SSBP2: variants seen among roughly 807,000 people sequenced by gnomAD.
The protein encoded by SSBP2 is single-stranded DNA-binding protein 2.
In SSBP2, 17 loss-of-function variants were observed where a neutral mutation model predicts 61.8. The ratio of observed to expected loss-of-function variants is 0.28; its 90% CI spans 0.19 to 0.41. The LOEUF (loss-of-function observed/expected upper bound fraction) is 0.41. Among genes scored for constraint, SSBP2 ranks in the 10% least tolerant of loss-of-function variants. The pLI is 1.00. For missense variants in SSBP2, 310 were observed against 458.7 expected (o/e 0.68, Z 2.96); for synonymous variants, 139 against 141.3 (o/e 0.98, Z 0.12).
chr5:81,463,180 T>C (rs898693412), intron 9 of SSBP2, among the ~76,000 whole-genome samples: 4 of 152,050 alleles, frequency 2.6e-5, no homozygotes, highest in African/African-American at 4.8e-5. Flanking sequence ...AACATTACCA[T>C]TGTGTTTGAA....
rs1764492436 is a variant in SSBP2, at chr5:81,460,919, T to G, written c.687+136A>C. 6.9e-6 allele frequency: 3 copies of G among 435,028 alleles called. No homozygotes were observed. The Admixed American group carries it at 1.3e-4, about 19-fold the overall frequency. The allele number at this position is 435,028 out of a possible 1,614,324, so 26.9% of individuals were successfully genotyped here. A position where few individuals can be genotyped will look rare whatever the true frequency, so the allele number is the denominator to read the frequency against. ...TATGCATCTTTTTCTAAAATTTATA[T>G]TAAACTTTTTGAATGATTACTTAAA... is the stretch of plus-strand genomic sequence containing the variant. On this transcript the variant is annotated intron_variant, in intron 10 of 16. Transcript: ENST00000320672.
intron 6 of SSBP2, among the ~76,000 whole-genome samples, chr5:81,479,084 T>C (rs766794195): frequency 6.6e-6 from 1 of 152,202 alleles, no homozygotes; most frequent in Non-Finnish European, 1.5e-5. Flanking sequence ...ATAAGTCAAG[T>C]CTCTAACTTT....
chr5:81,665,427 C>G (rs1394650116), intron 1 of SSBP2, among the ~76,000 whole-genome samples: 1 of 152,182 alleles, frequency 6.6e-6, no homozygotes, highest in Non-Finnish European at 1.5e-5. Context: ...ATCCCGGTAT[C>G]AGTCACTAGA....
At position 81,473,672 on chromosome 5, in the gene SSBP2, C is replaced by T; in HGVS notation, c.570+28G>A. The T allele has an allele frequency of 2.5e-6, 4 of 1,608,714 alleles. No individual in the cohort carries two copies. In the South Asian group the frequency reaches 3.3e-5, roughly 13 times the overall value. Reference sequence around the variant, plus strand: ...CATTTGGGTTGGTTCCATATCTTTGCTATTGTAAATATGCACTGATTATTT... The same window carrying T: ...CATTTGGGTTGGTTCCATATCTTTGTTATTGTAAATATGCACTGATTATTT... On this transcript the variant is annotated intron_variant, in intron 8 of 16. Coordinates refer to ENST00000320672, the MANE Select transcript of SSBP2 (RefSeq NM_012446.5).
intron 13 of SSBP2, 55 bp downstream of exon 13, chr5:81,442,598 T>C: frequency 1.0e-6 from 1 of 954,464 alleles, no homozygotes; most frequent in Non-Finnish European, 1.6e-6. Flanking sequence ...TGGAATGCAC[T>C]CAGAGTTTGA....
At chr5:81,660,304 T>TA (rs371116431) in intron 1 of SSBP2, among the ~76,000 whole-genome samples, 166 of 151,798 alleles carry the variant, frequency 1.1e-3, no homozygotes, top group African/African-American at 3.6e-3. Context: ...ACAAGAAACT[T>TA]AAAAAAATGC....
chr5:81,437,525 T>A, intron 14 of SSBP2, 67 bp from the exon 15 acceptor site: 1 of 1,363,762 alleles, frequency 7.3e-7, no homozygotes, highest in African/African-American at 1.5e-5. Flanking sequence ...AACACTCCTT[T>A]AATTTAAATA....
At position 81,428,556 on chromosome 5, in the gene SSBP2, GAGTATAATAT is replaced by G. The variant is rs1762093793; in HGVS notation, c.1056+19_1056+28del. On this transcript the variant is annotated intron_variant, in intron 16 of 16. Coordinates refer to ENST00000320672, the MANE Select transcript of SSBP2 (RefSeq NM_012446.5). Reference sequence around the variant, plus strand: ...CAGAAGAGCTTCAGAAATAAAATTTGAGTATAATATAGTCAAGGGAATACTTACACTCTCA... The same window carrying G: ...CAGAAGAGCTTCAGAAATAAAATTTGAGTCAAGGGAATACTTACACTCTCA... 1 of 1,542,704 alleles carries G rather than the reference GAGTATAATAT, an allele frequency of 6.5e-7. No individual in the cohort carries two copies. Among genetic ancestry groups the G allele is most frequent in the African/African-American group, 1.4e-5 (1 of 73,384 alleles).
intron 4 of SSBP2, among the ~76,000 whole-genome samples, chr5:81,581,432 C>T (rs930827062): frequency 1.3e-5 from 2 of 152,134 alleles, no homozygotes; most frequent in African/African-American, 4.8e-5. Context: ...AAGGCTGTAT[C>T]ATGTTAACAG....
At chr5:81,448,229 T>C (rs896930065) in intron 11 of SSBP2, among the ~76,000 whole-genome samples, 1 of 152,200 alleles carries the variant, frequency 6.6e-6, no homozygotes, top group African/African-American at 2.4e-5. Context: ...GGAGGTCATA[T>C]AAAACTTATT....
At chr5:81,457,029 T>C (rs1764211988) in intron 10 of SSBP2, among the ~76,000 whole-genome samples, 1 of 152,198 alleles carries the variant, frequency 6.6e-6, no homozygotes, top group African/African-American at 2.4e-5. Flanking sequence ...TACACATACA[T>C]ATATTTCCTA....
At chr5:81,573,750 A>G (rs1184212414) in intron 4 of SSBP2, among the ~76,000 whole-genome samples, 1 of 152,208 alleles carries the variant, frequency 6.6e-6, no homozygotes, top group Admixed American at 6.5e-5. Context: ...TAAGAAAATA[A>G]TAATACTATA....
chr5:81,739,022 G>A (rs1468736299), intron 1 of SSBP2, among the ~76,000 whole-genome samples: 2 of 151,424 alleles, frequency 1.3e-5, no homozygotes, highest in Admixed American at 6.6e-5. Context: ...AAAATTAGCC[G>A]GGCATGGTGG....
intron 1 of SSBP2, among the ~76,000 whole-genome samples, chr5:81,728,556 C>T (rs569437115): frequency 6.6e-6 from 1 of 152,332 alleles, no homozygotes; most frequent in East Asian, 1.9e-4. Flanking sequence ...CTTGACTCAA[C>T]TTCTCCTTTA....
At chr5:81,436,901 C>T (rs1004701994) in intron 15 of SSBP2, among the ~76,000 whole-genome samples, 6 of 152,114 alleles carry the variant, frequency 3.9e-5, no homozygotes, top group Admixed American at 2.6e-4. Context: ...CACTTTCCTG[C>T]TTGTACGAAT....
intron 4 of SSBP2, among the ~76,000 whole-genome samples, chr5:81,591,512 A>C (rs1775500921): frequency 6.6e-6 from 1 of 152,336 alleles, no homozygotes; most frequent in Non-Finnish European, 1.5e-5. Context: ...AATATTTATG[A>C]CTAATACATT....
rs1761362566 is a variant in SSBP2, at chr5:81,417,575, A to C, written c.*2929T>G. On this transcript the variant is annotated 3_prime_UTR_variant, in exon 17 of 17. Coordinates refer to ENST00000320672, the MANE Select transcript of SSBP2 (RefSeq NM_012446.5). ...TATACATCAAGACCAACACGAATGC[A>C]TTGATAAAGATGGAAAACACAAGAG... 6.6e-6 allele frequency: 1 copy of C among 152,262 alleles called. No homozygotes were observed. The highest frequency in any genetic ancestry group is 1.5e-5 in the Non-Finnish European group (1 of 68,038). 9.4% of individuals were successfully genotyped at this position (152,262 alleles called of 1,614,324 possible).
At chr5:81,747,605 G>T (rs916726896) in intron 1 of SSBP2, among the ~76,000 whole-genome samples, 4 of 151,744 alleles carry the variant, frequency 2.6e-5, no homozygotes, top group African/African-American at 9.7e-5. Context: ...TATTTTGGAG[G>T]TCACTGAAAA....
At chr5:81,750,919 A>C in intron 1 of SSBP2, 62 bp downstream of exon 1, 1 of 1,502,622 alleles carries the variant, frequency 6.7e-7, no homozygotes, top group African/African-American at 1.4e-5. Context: ...AGAGTGTGCG[A>C]GTGCGTGCGT....
Sources: allele counts gnomAD v4.1 joint callset (sites outside exome capture counted in the v4.1 genomes callset), GRCh38; gene constraint gnomAD v4.1.1; transcripts MANE v1.5; gene names NCBI Gene and HGNC (gene_info 2026-07-23, HGNC 2026-07-21).